Variants in JMJD1C observed in about 807,000 individuals in gnomAD.
The protein encoded by JMJD1C is jumonji domain-containing protein 1C.
JMJD1C carries 31 observed loss-of-function variants against 245.3 expected under a neutral mutation model. The observed-to-expected ratio is 0.13, with a 90% CI of 0.09 to 0.17. The LOEUF is 0.17. Among genes scored for constraint, JMJD1C ranks in the 10% least tolerant of loss-of-function variants. The pLI is 1.00. For synonymous variants in JMJD1C, 1,057 were observed against 1,017.4 expected, an observed-to-expected ratio of 1.04 and a Z score of -0.74; for missense variants, 2,691 against 3,000.2, an observed-to-expected ratio of 0.90 and a Z score of 2.41.
chr10:63,442,348 C>T (rs992421075), intron 1 of JMJD1C, among the ~76,000 whole-genome samples: 4 of 152,192 alleles, frequency 2.6e-5, no homozygotes, highest in East Asian at 1.9e-4. Flanking sequence ...GTATATGACA[C>T]GCACACACAA....
intron 1 of JMJD1C, among the ~76,000 whole-genome samples, chr10:63,414,346 A>G (rs1949678883): frequency 6.6e-6 from 1 of 152,122 alleles, no homozygotes; most frequent in Admixed American, 6.6e-5. Flanking sequence ...CATTCTTAGT[A>G]AACAGTTTCT....
intron 1 of JMJD1C, among the ~76,000 whole-genome samples, chr10:63,518,703 T>C (rs1380259216): frequency 6.6e-6 from 1 of 152,208 alleles, no homozygotes; most frequent in Admixed American, 6.5e-5. Flanking sequence ...CAGGCAGATA[T>C]TCTTAAATCA....
chr10:63,423,254 C>T (rs1011625051), intron 1 of JMJD1C, among the ~76,000 whole-genome samples: 3 of 152,076 alleles, frequency 2.0e-5, no homozygotes, highest in African/African-American at 7.2e-5. Flanking sequence ...CGTGAGGCAC[C>T]GCACCTGGCC....
chr10:63,468,850 G>A (rs968712635), upstream of JMJD1C, among the ~76,000 whole-genome samples: 8 of 152,156 alleles, frequency 5.3e-5, no homozygotes, highest in Non-Finnish European at 1.2e-4. Flanking sequence ...ATGATGGCAT[G>A]TGTCTGTTGT....
intron 10 of JMJD1C, chr10:63,202,209 G>A (rs1440204129): frequency 8.3e-6 from 6 of 722,966 alleles, no homozygotes; most frequent in Admixed American, 6.3e-5. Context: ...GGGTGAGATC[G>A]TGCCACTGGA....
intron 1 of JMJD1C, among the ~76,000 whole-genome samples, chr10:63,462,604 G>T (rs891165256): frequency 6.6e-6 from 1 of 152,182 alleles, no homozygotes; most frequent in Non-Finnish European, 1.5e-5. Context: ...ACTTACAAGT[G>T]TAATGGGGAA....
intron 1 of JMJD1C, among the ~76,000 whole-genome samples, chr10:63,436,275 A>G (rs1218124238): frequency 1.3e-5 from 2 of 152,224 alleles, no homozygotes; most frequent in African/African-American, 2.4e-5. Context: ...TACAAGAGGA[A>G]TAACAATTCT....
chr10:63,402,718 C>T (rs1360360543), intron 1 of JMJD1C, among the ~76,000 whole-genome samples: 4 of 152,190 alleles, frequency 2.6e-5, no homozygotes, highest in African/African-American at 9.7e-5. Flanking sequence ...GTTAGATTCT[C>T]ACCACTCGAT....
intron 2 of JMJD1C, among the ~76,000 whole-genome samples, chr10:63,284,315 C>G (rs1402928637): frequency 6.6e-6 from 1 of 152,074 alleles, no homozygotes; most frequent in Non-Finnish European, 1.5e-5. Context: ...AGTGAGCCAC[C>G]CACACCTGAC....
At chr10:63,376,171 G>C (rs1335391973) in intron 2 of JMJD1C, among the ~76,000 whole-genome samples, 1 of 152,102 alleles carries the variant, frequency 6.6e-6, no homozygotes, top group Non-Finnish European at 1.5e-5. Context: ...ACAGTGTCAA[G>C]ACCATTCACT....
chr10:63,442,007 C>G (rs1027913172), intron 1 of JMJD1C, among the ~76,000 whole-genome samples: 1 of 152,158 alleles, frequency 6.6e-6, no homozygotes, highest in Non-Finnish European at 1.5e-5. Context: ...AAGCACTGTT[C>G]TGTGGACTAC....
intron 1 of JMJD1C, among the ~76,000 whole-genome samples, chr10:63,511,779 G>A (rs1277604640): frequency 2.6e-5 from 4 of 152,084 alleles, no homozygotes; most frequent in South Asian, 4.1e-4. Flanking sequence ...TAGCACCAAC[G>A]TTTTGTATAC....
intron 2 of JMJD1C, among the ~76,000 whole-genome samples, chr10:63,273,579 A>G (rs1856525951): frequency 6.6e-6 from 1 of 152,182 alleles, no homozygotes; most frequent in Non-Finnish European, 1.5e-5. Context: ...CTTTAAATTG[A>G]TTGTTCTTAT....
chr10:63,468,090 T>G (rs999223094), upstream of JMJD1C, among the ~76,000 whole-genome samples: 3 of 152,214 alleles, frequency 2.0e-5, no homozygotes, highest in African/African-American at 7.2e-5. Flanking sequence ...TCCATCCTTT[T>G]CAGTCCTCTG....
intron 2 of JMJD1C, among the ~76,000 whole-genome samples, chr10:63,320,043 G>C (rs1228587441): frequency 1.3e-5 from 2 of 152,072 alleles, no homozygotes; most frequent in Admixed American, 1.3e-4. Context: ...TTGGATTACA[G>C]GCATTAGCCA....
intron 1 of JMJD1C, among the ~76,000 whole-genome samples, chr10:63,493,525 G>T (rs1474205231): frequency 6.6e-6 from 1 of 151,900 alleles, no homozygotes; most frequent in Non-Finnish European, 1.5e-5. Flanking sequence ...CAGGTGAACC[G>T]CCTGACTTGG....
intron 2 of JMJD1C, among the ~76,000 whole-genome samples, chr10:63,312,573 C>G (rs1384424266): frequency 6.6e-6 from 1 of 152,060 alleles, no homozygotes; most frequent in Non-Finnish European, 1.5e-5. Context: ...TTCTTTCTTA[C>G]AAGGATTGAA....
At position 63,290,729 on chromosome 10, in the gene JMJD1C, T is replaced by C. The variant is rs1858566607; in HGVS notation, c.334-25965A>G. On this transcript the variant is annotated intron_variant, in intron 2 of 25. Transcript: ENST00000399262. ...TGGAAAGAGATTAAAATACACACTG[T>C]AGCAAAATGCTTGCAATTTTGCTAT... 2.0e-5 allele frequency among the ~76,000 whole-genome samples: 3 copies of C among 152,170 alleles called. No homozygotes were observed. In the South Asian group the frequency reaches 6.2e-4, roughly 31 times the overall value.
chr10:63,280,046 G>T (rs538188560), intron 2 of JMJD1C, among the ~76,000 whole-genome samples: 1 of 151,908 alleles, frequency 6.6e-6, no homozygotes, highest in Admixed American at 6.6e-5. Context: ...AGCTACTCAG[G>T]AGGCTGAGAC....
Sources: gnomAD v4.1 joint callset for allele counts (sites outside exome capture counted in the v4.1 genomes callset) on GRCh38, gnomAD v4.1.1 for gene constraint, MANE v1.5 for transcripts, NCBI Gene and HGNC (gene_info 2026-07-23, HGNC 2026-07-21) for gene names.